The following CP variants were observed in gnomAD, a reference collection of about 807,000 sequenced individuals.
The protein encoded by CP is caeruloplasmin.
Under a neutral mutation model 122.4 loss-of-function variants are expected in CP, and 64 were observed. The observed-to-expected ratio is 0.52, with a 90% CI of 0.43 to 0.64. The LOEUF (loss-of-function observed/expected upper bound fraction) is 0.64. Ranked by LOEUF, CP falls within the 30% of genes least tolerant of loss-of-function variation. CP has a pLI of 0.00. For synonymous variants in CP, 440 were observed against 436.4 expected (o/e 1.01, Z -0.10); for missense variants, 1,167 against 1,284.4 (o/e 0.91, Z 1.40).
intron 10 of CP, 42 bp downstream of exon 10, chr3:149,188,010 A>G (rs919576929): frequency 1.2e-6 from 2 of 1,605,354 alleles, no homozygotes; most frequent in African/African-American, 2.7e-5. Context: ...CATATGCAGT[A>G]CTAAAATAAC....
intron 9 of CP, among the ~76,000 whole-genome samples, chr3:149,196,394 A>C (rs1031724954): frequency 6.6e-6 from 1 of 152,192 alleles, no homozygotes; most frequent in Non-Finnish European, 1.5e-5. Flanking sequence ...TCCACTGAAA[A>C]GGCCCAGAAA....
chr3:149,178,743 A>G, intron 15 of CP, 112 bp from the exon 16 acceptor site: 1 of 772,362 alleles, frequency 1.3e-6, no homozygotes, highest in Non-Finnish European at 2.2e-6. Context: ...TTGAAGTAAC[A>G]GACTTTGCCC....
intron 9 of CP, among the ~76,000 whole-genome samples, chr3:149,196,017 A>C (rs1576756310): frequency 6.6e-6 from 1 of 152,336 alleles, no homozygotes; most frequent in South Asian, 2.1e-4. Flanking sequence ...GTGGTGGCAA[A>C]ACTATGTGGA....
chr3:149,215,315 G>A (rs1023936253), intron 1 of CP, among the ~76,000 whole-genome samples: 1 of 152,170 alleles, frequency 6.6e-6, no homozygotes, highest in African/African-American at 2.4e-5. Flanking sequence ...AAAATAGGAA[G>A]AGCATTGCCA....
At chr3:149,183,845 G>A in intron 12 of CP, among the ~76,000 whole-genome samples, 1 of 151,874 alleles carries the variant, frequency 6.6e-6, no homozygotes, top group East Asian at 1.9e-4. Context: ...TGCCACTAGT[G>A]AAAATTTCCT....
chr3:149,218,863 C>G, intron 1 of CP, among the ~76,000 whole-genome samples: 1 of 152,160 alleles, frequency 6.6e-6, no homozygotes, highest in East Asian at 1.9e-4. Flanking sequence ...CAACATTCAG[C>G]TTAAACTCGA....
At chr3:149,165,040 A>G (rs970273818) in intron 5 of CP, among the ~76,000 whole-genome samples, 1 of 152,222 alleles carries the variant, frequency 6.6e-6, no homozygotes, top group African/African-American at 2.4e-5. Context: ...TGGTGTTCCC[A>G]GAGATGGCAT....
chr3:149,194,321 C>T (rs1726748625), intron 9 of CP, among the ~76,000 whole-genome samples: 2 of 151,640 alleles, frequency 1.3e-5, no homozygotes, highest in Admixed American at 6.6e-5. Flanking sequence ...TCACACCAAC[C>T]TCCGCCTCCC....
intron 14 of CP, 32 bp downstream of exon 14, chr3:149,181,973 T>TGGGGGGGGGGG: frequency 6.5e-6 from 9 of 1,375,564 alleles, no homozygotes; most frequent in African/African-American, 1.4e-5. Context: ...CCTGTTAAAA[T>TGGGGGGGGGGG]GCACCACCCC....
At chr3:149,183,672 T>C (rs1576737396) in intron 12 of CP, 67 bp from the exon 13 acceptor site, 1 of 1,118,320 alleles carries the variant, frequency 8.9e-7, no homozygotes, top group Non-Finnish European at 1.3e-6. Context: ...TTTTAAACTT[T>C]AAATTTTGAA....
Position 149,221,705 on chromosome 3 carries a change from C to G in CP, c.88G>C (p.Glu30Gln), listed in dbSNP as rs1728820847. Residue 30 changes from glutamate (E) to glutamine (Q), a missense_variant, in exon 1 of 19, where the codon GAA becomes CAA. Transcript: ENST00000264613. Reference sequence around the variant, plus strand: ...TCAGAGGCATAATCCCAAGTCGTTTCAATAATTCCAATGTAATAATGCTTT... The same window carrying G: ...TCAGAGGCATAATCCCAAGTCGTTTGAATAATTCCAATGTAATAATGCTTT... ...KEKHYYIGII[E>Q]TTWDYASDHG... 1.2e-6 allele frequency: 2 copies of G among 1,612,952 alleles called. No homozygotes were observed. The highest frequency in any genetic ancestry group is 8.5e-7 in the Non-Finnish European group (1 of 1,179,602).
At chr3:149,214,663 G>A (rs1728341608) in intron 1 of CP, among the ~76,000 whole-genome samples, 1 of 152,130 alleles carries the variant, frequency 6.6e-6, no homozygotes, top group African/African-American at 2.4e-5. Flanking sequence ...TTCCCAATTT[G>A]TTAAAGCAAA....
At chr3:149,162,476 C>G in exon 6 of CP, 1 of 891,970 alleles carries the variant, frequency 1.1e-6, no homozygotes, top group Admixed American at 2.1e-5. Flanking sequence ...GATAAAAGTA[C>G]TAATTAAAAG....
intron 1 of CP, among the ~76,000 whole-genome samples, chr3:149,217,247 A>C (rs115556858): frequency 1.5e-3 from 229 of 152,238 alleles, no homozygotes; most frequent in South Asian, 4.2e-3. Flanking sequence ...TGAGTCATTT[A>C]AAGTAAATTT....
intron 4 of CP, among the ~76,000 whole-genome samples, chr3:149,208,008 A>G (rs1262390958): frequency 2.0e-5 from 3 of 152,182 alleles, no homozygotes; most frequent in Non-Finnish European, 4.4e-5. Flanking sequence ...GTTATTCATC[A>G]TGTTGGTAGT....
chr3:149,170,771 C>T (rs1724893978), downstream of CP, among the ~76,000 whole-genome samples: 1 of 152,158 alleles, frequency 6.6e-6, no homozygotes, highest in African/African-American at 2.4e-5. Flanking sequence ...TTCACTTACT[C>T]TGCAAATAGA....
intron 2 of CP, among the ~76,000 whole-genome samples, chr3:149,210,709 A>G (rs1197797331): frequency 6.6e-6 from 1 of 152,176 alleles, no homozygotes; most frequent in Non-Finnish European, 1.5e-5. Flanking sequence ...TTCTTATATG[A>G]TCTCAGATTT....
chr3:149,183,339 A>T, intron 13 of CP, 127 bp downstream of exon 13: 1 of 903,636 alleles, frequency 1.1e-6, no homozygotes, highest in Admixed American at 2.2e-5. Context: ...ACTAATTTTT[A>T]AATTTTTATT....
chr3:149,193,006 G>A (rs1001175369), intron 9 of CP, among the ~76,000 whole-genome samples: 6 of 127,508 alleles, frequency 4.7e-5, no homozygotes, highest in Admixed American at 8.1e-5. Flanking sequence ...ACACACACAC[G>A]CATACACTCC....
Sources: allele counts gnomAD v4.1 joint callset (sites outside exome capture counted in the v4.1 genomes callset), GRCh38; gene constraint gnomAD v4.1.1; transcripts MANE v1.5; gene names NCBI Gene and HGNC (gene_info 2026-07-23, HGNC 2026-07-21).